Variants in CCDC171 observed in about 807,000 individuals in gnomAD.
The protein encoded by CCDC171 is coiled-coil domain containing 171.
Under a neutral mutation model 168.2 loss-of-function variants are expected in CCDC171, and 177 were observed. That is an observed-to-expected ratio of 1.05 (90% confidence interval 0.93 to 1.19). The LOEUF (loss-of-function observed/expected upper bound fraction) is 1.19, where lower values mean the gene tolerates loss of function less well. CCDC171 is among the 50% of genes most tolerant of loss of function. The probability of loss-of-function intolerance (pLI) is 0.00; values close to 1 mark genes in which losing one functional copy is unlikely to be tolerated. For missense variants in CCDC171, 1,991 were observed against 1,539.0 expected (o/e 1.29, Z -4.91); for synonymous variants, 687 against 540.8 (o/e 1.27, Z -3.75).
intron 4 of CCDC171, chr9:15,587,669 C>T: frequency 2.2e-6 from 1 of 456,616 alleles, no homozygotes; most frequent in Non-Finnish European, 4.4e-6. Context: ...TGTTAACGTC[C>T]ACCTTGAAGC....
At chr9:15,848,550 C>T (rs1341228781) in intron 22 of CCDC171, among the ~76,000 whole-genome samples, 1 of 151,748 alleles carries the variant, frequency 6.6e-6, no homozygotes, top group African/African-American at 2.4e-5. Flanking sequence ...TTACCATTTA[C>T]AGCACATTTT....
At chr9:15,783,785 A>AC (rs2057793188) in intron 20 of CCDC171, among the ~76,000 whole-genome samples, 1 of 152,122 alleles carries the variant, frequency 6.6e-6, no homozygotes, top group Admixed American at 6.5e-5. Context: ...TATTGTAAAA[A>AC]CCATGTTGTG....
intron 18 of CCDC171, among the ~76,000 whole-genome samples, chr9:15,775,114 T>A (rs1485798801): frequency 6.7e-6 from 1 of 148,706 alleles, no homozygotes; most frequent in African/African-American, 2.5e-5. Context: ...ATAAAAAAAA[T>A]TGCCCTCTGT....
At chr9:15,636,107 A>T (rs982991671) in intron 7 of CCDC171, among the ~76,000 whole-genome samples, 2 of 152,166 alleles carry the variant, frequency 1.3e-5, no homozygotes, top group Non-Finnish European at 2.9e-5. Flanking sequence ...ATAGCTATTT[A>T]GACCCTTAGA....
chr9:15,672,419 C>A (rs900061097), intron 9 of CCDC171, among the ~76,000 whole-genome samples: 4 of 152,148 alleles, frequency 2.6e-5, no homozygotes, highest in African/African-American at 4.8e-5. Context: ...GTCATGAAGT[C>A]TTTGCTCATG....
intron 18 of CCDC171, among the ~76,000 whole-genome samples, chr9:15,767,181 A>G (rs1469813032): frequency 2.6e-5 from 4 of 152,194 alleles, no homozygotes; most frequent in Admixed American, 6.5e-5. Context: ...CGAATTTATT[A>G]TCGGATATTT....
rs866119484 is a variant in CCDC171 at position 15,610,332 on chromosome 9, C to T, written c.676-12935C>T. 1.2e-3 allele frequency among the ~76,000 whole-genome samples: 182 copies of T among 150,002 alleles called. 1 individual carries two copies. Among genetic ancestry groups the T allele is most frequent in the African/African-American group, 4.3e-3 (176 of 40,908 alleles). ...CTTAAACCTCCTGGGCTCGGCTGGG[C>T]GCGATGGCTCATGCCTGTAATCCCA... On this transcript the variant is annotated intron_variant, in intron 6 of 25. Coordinates refer to ENST00000380701, the MANE Select transcript of CCDC171 (RefSeq NM_173550.4).
chr9:16,043,142 A>T (rs1003866939), intron 1 of CCDC171, among the ~76,000 whole-genome samples: 1 of 152,150 alleles, frequency 6.6e-6, no homozygotes, highest in African/African-American at 2.4e-5. Context: ...GAGGTTGGGG[A>T]AAAAAAGCAG....
intron 24 of CCDC171, among the ~76,000 whole-genome samples, chr9:15,892,585 C>G (rs1405604413): frequency 6.6e-6 from 1 of 152,032 alleles, no homozygotes; most frequent in Non-Finnish European, 1.5e-5. Context: ...CCTTCTTAAG[C>G]AACTTCAGCA....
At position 15,745,481 on chromosome 9, in the gene CCDC171, T is replaced by C. The variant is rs61137585; in HGVS notation, c.2555-34T>C. ...AAATATAGATTTTAATAAAGTTTTG[T>C]AGAATTTTACAATGGATTTTTTCAA... is the stretch of plus-strand genomic sequence containing the variant. On this transcript the variant is annotated intron_variant, in intron 17 of 25. Transcript: ENST00000380701. The C allele has an allele frequency of 1.5e-3, 1,984 of 1,321,226 alleles. 18 individuals carry two copies. The African/African-American group carries it at 0.027, about 18-fold the overall frequency. The allele number at this position is 1,321,226 out of a possible 1,614,324, so 81.8% of individuals were successfully genotyped here. A position where few individuals can be genotyped will look rare whatever the true frequency, so the allele number is the denominator to read the frequency against.
chr9:16,009,395 T>C (rs1337262286), intron 3 of CCDC171, among the ~76,000 whole-genome samples: 1 of 152,212 alleles, frequency 6.6e-6, no homozygotes, highest in African/African-American at 2.4e-5. Flanking sequence ...TATACCACAG[T>C]TGTTTTTCCT....
chr9:15,981,852 A>G (rs1354346072), intron 3 of CCDC171, among the ~76,000 whole-genome samples: 5 of 152,162 alleles, frequency 3.3e-5, no homozygotes, highest in Non-Finnish European at 7.4e-5. Flanking sequence ...TTATTTGAAA[A>G]AGCGTCTGAA....
intron 23 of CCDC171, among the ~76,000 whole-genome samples, chr9:15,868,767 C>G (rs993257917): frequency 6.6e-6 from 1 of 151,908 alleles, no homozygotes; most frequent in African/African-American, 2.4e-5. Context: ...GAGCACTAGA[C>G]TTAGTATCCT....
chr9:15,698,414 G>A (rs907506946), intron 11 of CCDC171, among the ~76,000 whole-genome samples: 4 of 151,730 alleles, frequency 2.6e-5, no homozygotes, highest in African/African-American at 9.7e-5. Context: ...CCAGCTACTC[G>A]GGAGGCTGAG....
rs139602564 is a variant in CCDC171, at chr9:15,800,331, T to C, written c.3267+15637T>C. Among the ~76,000 whole-genome samples the C allele has an allele frequency of 2.1e-3, 324 of 152,294 alleles. 2 individuals are homozygous for C. The highest frequency in any genetic ancestry group is 7.3e-3 in the African/African-American group (304 of 41,574). Reference sequence around the variant, plus strand: ...TTAACTGGAGTAAGATGATACCTCATTGTAATTTTGATATGCATTTCTCTG... The same window carrying C: ...TTAACTGGAGTAAGATGATACCTCACTGTAATTTTGATATGCATTTCTCTG... On this transcript the variant is annotated intron_variant, in intron 21 of 25. Coordinates refer to ENST00000380701, the MANE Select transcript of CCDC171 (RefSeq NM_173550.4).
At chr9:15,675,880 G>C (rs993925917) in intron 9 of CCDC171, among the ~76,000 whole-genome samples, 2 of 152,102 alleles carry the variant, frequency 1.3e-5, no homozygotes, top group African/African-American at 4.8e-5. Context: ...GAGTATCTTT[G>C]TGGTGTTCTC....
chr9:15,714,592 T>TG (rs2052932977), intron 11 of CCDC171, among the ~76,000 whole-genome samples: 3 of 15,152 alleles, frequency 2.0e-4, no homozygotes, highest in African/African-American at 5.1e-4. Context: ...AGTTAATTCC[T>TG]CCCCCCGGTA....
intron 1 of CCDC171, among the ~76,000 whole-genome samples, chr9:16,054,964 C>T (rs3008733): frequency 0.01 from 1,595 of 152,236 alleles, 18 homozygotes; most frequent in African/African-American, 0.036. Context: ...CGAAGCCCCT[C>T]GGGGCAAGGG....
At chr9:15,782,250 G>A (rs1167140921) in intron 20 of CCDC171, among the ~76,000 whole-genome samples, 1 of 152,130 alleles carries the variant, frequency 6.6e-6, no homozygotes, top group East Asian at 1.9e-4. Context: ...GTACTTTAAT[G>A]GTTTTGGAAT....
Sources: allele counts gnomAD v4.1 joint callset (sites outside exome capture counted in the v4.1 genomes callset), GRCh38; gene constraint gnomAD v4.1.1; transcripts MANE v1.5; gene names NCBI Gene and HGNC (gene_info 2026-07-23, HGNC 2026-07-21).